The following ZMIZ1 variants were observed in gnomAD, a reference collection of about 807,000 sequenced individuals.
The protein encoded by ZMIZ1 is zinc finger MIZ-type containing 1.
ZMIZ1 carries 17 observed loss-of-function variants against 113.9 expected under a neutral mutation model. The ratio of observed to expected loss-of-function variants is 0.15; its 90% CI spans 0.10 to 0.22. The LOEUF (loss-of-function observed/expected upper bound fraction) is 0.22, where lower values mean the gene tolerates loss of function less well. Ranked by LOEUF, ZMIZ1 falls within the 10% of genes least tolerant of loss-of-function variation. The probability of loss-of-function intolerance (pLI) is 1.00; values close to 1 mark genes in which losing one functional copy is unlikely to be tolerated. For synonymous variants in ZMIZ1, 607 were observed against 603.1 expected, an observed-to-expected ratio of 1.01 and a Z score of -0.09; for missense variants, 1,059 against 1,477.8, an observed-to-expected ratio of 0.72 and a Z score of 4.65.
chr10:79,301,189 C>T (rs1373556836), intron 17 of ZMIZ1, among the ~76,000 whole-genome samples: 1 of 152,174 alleles, frequency 6.6e-6, no homozygotes, highest in Non-Finnish European at 1.5e-5. Flanking sequence ...CCTGGACACT[C>T]AGCCTCCGTC....
intron 19 of ZMIZ1, among the ~76,000 whole-genome samples, chr10:79,304,677 T>G (rs1854561315): frequency 6.6e-6 from 1 of 152,196 alleles, no homozygotes; most frequent in Non-Finnish European, 1.5e-5. Flanking sequence ...CCCAGGGCTG[T>G]CACCTGCAGC....
In ZMIZ1 at chr10:79,142,168, G is replaced by GAGTT. The variant is rs564701648; in HGVS notation, c.-131+2392_-131+2395dup. Among the ~76,000 whole-genome samples, 14 of 152,290 alleles carry GAGTT rather than the reference G, an allele frequency of 9.2e-5. No homozygotes were observed. In the South Asian group the frequency reaches 1.7e-3, roughly 18 times the overall value. Reference sequence around the variant, plus strand: ...CCGGGGAGGGCTGCGTGAAGCTGAGGAGTTCTGTTTCAGACACATTGAGTT... The same window carrying GAGTT: ...CCGGGGAGGGCTGCGTGAAGCTGAGGAGTTAGTTCTGTTTCAGACACATTGAGTT... On this transcript the variant is annotated intron_variant, in intron 3 of 24. Coordinates refer to ENST00000334512, the MANE Select transcript of ZMIZ1 (RefSeq NM_020338.4).
chr10:79,127,012 C>T (rs1222404483), intron 2 of ZMIZ1, among the ~76,000 whole-genome samples: 1 of 152,224 alleles, frequency 6.6e-6, no homozygotes, highest in Non-Finnish European at 1.5e-5. Context: ...CCACTACAGA[C>T]TAAGGACCTG....
At chr10:79,244,055 T>G (rs977866174) in intron 7 of ZMIZ1, among the ~76,000 whole-genome samples, 1 of 151,972 alleles carries the variant, frequency 6.6e-6, no homozygotes, top group Admixed American at 6.6e-5. Flanking sequence ...GGCTCTGTGC[T>G]CAGTCGGCTC....
In ZMIZ1 at chr10:79,252,126, A is replaced by G. The variant is rs748092219; in HGVS notation, c.281-25055A>G. Among the ~76,000 whole-genome samples, 7 of 152,090 alleles carry G rather than the reference A, an allele frequency of 4.6e-5. No homozygotes were observed. The East Asian group carries it at 9.7e-4, about 21-fold the overall frequency. ...CTCCCTGAACCCTGCTTTTCCTTCGACTGCTGCTGCCCAAGGGCACCCGTA... is the reference window on the plus strand; with the variant it reads ...CTCCCTGAACCCTGCTTTTCCTTCGGCTGCTGCTGCCCAAGGGCACCCGTA... On this transcript the variant is annotated intron_variant, in intron 7 of 24. Transcript: ENST00000334512.
chr10:79,112,265 C>G (rs1350588284), intron 1 of ZMIZ1, among the ~76,000 whole-genome samples: 1 of 152,192 alleles, frequency 6.6e-6, no homozygotes, highest in Non-Finnish European at 1.5e-5. Flanking sequence ...CCTTCCTTGA[C>G]AGCCTGCTCT....
intron 7 of ZMIZ1, among the ~76,000 whole-genome samples, chr10:79,263,396 T>TG (rs1344640570): frequency 5.3e-5 from 8 of 152,236 alleles, no homozygotes; most frequent in African/African-American, 1.7e-4. Context: ...TGCAAATGGT[T>TG]GGAGGTGAGA....
chr10:79,085,935 G>A (rs1401142895), intron 1 of ZMIZ1, among the ~76,000 whole-genome samples: 1 of 152,106 alleles, frequency 6.6e-6, no homozygotes, highest in Non-Finnish European at 1.5e-5. Context: ...GCCCTGGTAA[G>A]GGAGAGGATA....
At chr10:79,241,658 C>T (rs1358238374) in intron 7 of ZMIZ1, among the ~76,000 whole-genome samples, 1 of 152,054 alleles carries the variant, frequency 6.6e-6, no homozygotes. Flanking sequence ...ATCCTGAAAG[C>T]GATATTTCAA....
At chr10:79,081,494 G>A (rs1373892533) in intron 1 of ZMIZ1, among the ~76,000 whole-genome samples, 2 of 152,170 alleles carry the variant, frequency 1.3e-5, no homozygotes, top group African/African-American at 4.8e-5. Context: ...TTTCAAGCAG[G>A]GTCAGACATT....
At chr10:79,098,944 C>T (rs537817867) in intron 1 of ZMIZ1, among the ~76,000 whole-genome samples, 75 of 152,332 alleles carry the variant, frequency 4.9e-4, no homozygotes, top group African/African-American at 1.6e-3. Context: ...GTGGTGCAGA[C>T]GTCTGCATTG....
intron 7 of ZMIZ1, among the ~76,000 whole-genome samples, chr10:79,226,789 G>A (rs1326004508): frequency 6.6e-6 from 1 of 152,224 alleles, no homozygotes; most frequent in East Asian, 1.9e-4. Context: ...TAGACAGACA[G>A]ATAGGCATTA....
At chr10:79,120,583 C>T (rs1220326594) in intron 2 of ZMIZ1, among the ~76,000 whole-genome samples, 5 of 152,176 alleles carry the variant, frequency 3.3e-5, no homozygotes, top group Admixed American at 1.3e-4. Flanking sequence ...AGCCCTTGCC[C>T]GCTCTAGGAC....
intron 11 of ZMIZ1, among the ~76,000 whole-genome samples, chr10:79,293,154 A>G (rs1485139477): frequency 2.6e-5 from 1 of 38,818 alleles, no homozygotes; most frequent in Non-Finnish European, 5.3e-5. Context: ...CCCATCCCCT[A>G]ACACCCCTGA....
At chr10:79,093,261 C>T (rs1000691200) in intron 1 of ZMIZ1, among the ~76,000 whole-genome samples, 4 of 151,556 alleles carry the variant, frequency 2.6e-5, no homozygotes, top group Non-Finnish European at 5.9e-5. Flanking sequence ...GAACCCTACG[C>T]GGGAAGGACT....
intron 1 of ZMIZ1, among the ~76,000 whole-genome samples, chr10:79,071,329 T>TG (rs778097960): frequency 9.9e-5 from 15 of 152,226 alleles, no homozygotes; most frequent in Non-Finnish European, 1.9e-4. Context: ...GAGGACAGGC[T>TG]GGTTACACAG....
intron 2 of ZMIZ1, among the ~76,000 whole-genome samples, chr10:79,122,719 C>T (rs1844353024): frequency 1.3e-5 from 2 of 152,158 alleles, no homozygotes; most frequent in African/African-American, 2.4e-5. Flanking sequence ...CTTGAAAGGC[C>T]CTATTCCCAT....
At position 79,305,017 on chromosome 10, in the gene ZMIZ1, G is replaced by A. The variant is rs538169458; in HGVS notation, c.2287-147G>A. 29 of 850,344 alleles carry A rather than the reference G, an allele frequency of 3.4e-5. No individual in the cohort carries two copies. The African/African-American group carries it at 4.7e-4, about 14-fold the overall frequency. 52.7% of individuals were successfully genotyped at this position (850,344 alleles called of 1,614,324 possible). On this transcript the variant is annotated intron_variant, in intron 19 of 24. Transcript: ENST00000334512. ...CTCTGCGTGGCAGAAAGGTAGCATTGCTTTCATTCCACCCAGCCCCAGCCC... is the reference window on the plus strand; with the variant it reads ...CTCTGCGTGGCAGAAAGGTAGCATTACTTTCATTCCACCCAGCCCCAGCCC...
At chr10:79,195,568 G>C (rs950738289) in intron 4 of ZMIZ1, among the ~76,000 whole-genome samples, 2 of 152,252 alleles carry the variant, frequency 1.3e-5, no homozygotes, top group African/African-American at 4.8e-5. Context: ...CAGGAGCCCG[G>C]AGGCGGAGGC....
Sources: gnomAD v4.1 joint callset for allele counts (sites outside exome capture counted in the v4.1 genomes callset) on GRCh38, gnomAD v4.1.1 for gene constraint, MANE v1.5 for transcripts, NCBI Gene and HGNC (gene_info 2026-07-23, HGNC 2026-07-21) for gene names.